EFTUD2: variants seen among roughly 807,000 people sequenced by gnomAD.
EFTUD2 encodes the protein elongation factor Tu GTP binding domain containing 2, also known as 116 kDa U5 small nuclear ribonucleoprotein component.
A neutral mutation model predicts 114.3 loss-of-function variants in EFTUD2; 9 were observed. The observed-to-expected ratio is 0.08, with a 90% CI of 0.05 to 0.14. The LOEUF (loss-of-function observed/expected upper bound fraction) is 0.14. EFTUD2 is among the 10% of genes least tolerant of loss of function. The probability of loss-of-function intolerance (pLI) is 1.00; values close to 1 mark genes in which losing one functional copy is unlikely to be tolerated. For synonymous variants in EFTUD2, 449 were observed against 462.3 expected (o/e 0.97, Z 0.37); for missense variants, 765 against 1,241.2 (o/e 0.62, Z 5.76).
chr17:44,867,922 T>G, intron 12 of EFTUD2, 25 bp from the exon 13 acceptor site: 1 of 1,557,292 alleles, frequency 6.4e-7, no homozygotes, highest in Non-Finnish European at 8.7e-7. Flanking sequence ...AAGTTCTGAG[T>G]GACCCAGGGG....
chr17:44,871,875 T>C (rs898169394), intron 11 of EFTUD2, among the ~76,000 whole-genome samples: 2 of 152,136 alleles, frequency 1.3e-5, no homozygotes, highest in African/African-American at 2.4e-5. Flanking sequence ...ACGATTCCTA[T>C]TGGAATCTGA....
rs750592591 is a variant in EFTUD2, at chr17:44,854,371, G to A, written c.2260-15C>T. ...GCCTTGTCCACCTATAGAGAAACAT[G>A]AGGCCTCCTTAGCAGTCGCCCTGGC... On this transcript the variant is annotated splice_polypyrimidine_tract_variant and intron_variant, in intron 22 of 27. Transcript: ENST00000426333. The surrounding 1 kb of genome is among the most constrained non-coding windows in gnomAD (Gnocchi z 4.3). 3.1e-6 allele frequency: 5 copies of A among 1,612,286 alleles called. No individual in the cohort carries two copies. In the South Asian group the frequency reaches 5.5e-5, roughly 18 times the overall value.
chr17:44,867,964 T>C (rs1371381442), intron 12 of EFTUD2, 67 bp from the exon 13 acceptor site: 15 of 1,428,178 alleles, frequency 1.1e-5, no homozygotes, highest in Non-Finnish European at 1.3e-5. Flanking sequence ...CAAGAGGCAT[T>C]GTCTAAGTGC....
At chr17:44,856,440 G>A (rs1291092871) in intron 20 of EFTUD2, among the ~76,000 whole-genome samples, 1 of 151,826 alleles carries the variant, frequency 6.6e-6, no homozygotes, top group East Asian at 1.9e-4. Context: ...TGAGGCACAA[G>A]AATTGCTTGA....
At chr17:44,879,444 C>T in intron 9 of EFTUD2, 112 bp downstream of exon 9, 2 of 1,068,144 alleles carry the variant, frequency 1.9e-6, no homozygotes, top group Non-Finnish European at 2.9e-6. Flanking sequence ...GCCTTAATCC[C>T]AGAGAGTTTC....
At position 44,865,072 on chromosome 17, in the gene EFTUD2, G is replaced by A. The variant is rs1425967439; in HGVS notation, c.1150-7C>T. The A allele has an allele frequency of 6.2e-7, 1 of 1,614,030 alleles. No individual in the cohort carries two copies. The highest frequency in any genetic ancestry group is 8.5e-7 in the Non-Finnish European group (1 of 1,180,028). ...TGTCCACGTCACCTACAACCTGTGA[G>A]GGTGTAAGACACCATGTCAGCTGTA... On this transcript the variant is annotated splice_polypyrimidine_tract_variant and splice_region_variant and intron_variant, in intron 13 of 27. Transcript: ENST00000426333.
At chr17:44,888,581 C>CA (rs1246401394) in intron 2 of EFTUD2, among the ~76,000 whole-genome samples, 1 of 152,106 alleles carries the variant, frequency 6.6e-6, no homozygotes, top group Non-Finnish European at 1.5e-5. Context: ...TTGGAGTAGA[C>CA]AGAGTGGGAA....
chr17:44,860,335 C>T, intron 17 of EFTUD2, 97 bp downstream of exon 17: 1 of 908,432 alleles, frequency 1.1e-6, no homozygotes, highest in Non-Finnish European at 1.8e-6. Context: ...GAAACCAGGA[C>T]ATGGCAATGA....
chr17:44,851,092 G>A lies in EFTUD2; in HGVS notation c.*182C>T. 1.7e-6 allele frequency: 1 copy of A among 577,946 alleles called. No individual in the cohort carries two copies. Among genetic ancestry groups the A allele is most frequent in the East Asian group, 2.8e-5 (1 of 35,284 alleles). The allele number at this position is 577,946 out of a possible 1,614,324, so 35.8% of individuals were successfully genotyped here. A position where few individuals can be genotyped will look rare whatever the true frequency, so the allele number is the denominator to read the frequency against. On this transcript the variant is annotated 3_prime_UTR_variant, in exon 28 of 28. Transcript: ENST00000426333. ...CGGCAGAGGCCACAGAAGGAAGCAG[G>A]AGGCCAAATGCTCCTCTCTCACTGG...
In EFTUD2 at chr17:44,860,412, G is replaced by T; in HGVS notation, c.1719+20C>A. The stretch of plus-strand genomic sequence containing the variant: ...CCATCTAGCTTAAGCCAACCCAGTT[G>T]GTCTCTTCAGAAACTCTACCTCCTC... On this transcript the variant is annotated intron_variant, in intron 17 of 27. Transcript: ENST00000426333. 1 of 1,570,214 alleles carries T rather than the reference G, an allele frequency of 6.4e-7. No homozygotes were observed. The highest frequency in any genetic ancestry group is 8.8e-7 in the Non-Finnish European group (1 of 1,140,238).
chr17:44,885,338 G>C lies in EFTUD2; in HGVS notation c.272-4C>G, dbSNP rs1340355773. On this transcript the variant is annotated splice_region_variant and splice_polypyrimidine_tract_variant and intron_variant, in intron 3 of 27. Transcript: ENST00000426333. ...TTCACTGGCTTAATAATGGGTTCTA[G>C]AAGAAAAAAAAAAGGTAGTGATGTG... 6.3e-7 allele frequency: 1 copy of C among 1,599,818 alleles called. No individual in the cohort carries two copies. The highest frequency in any genetic ancestry group is 8.5e-7 in the Non-Finnish European group (1 of 1,172,330).
chr17:44,880,307 T>C (rs1217690328), intron 8 of EFTUD2, among the ~76,000 whole-genome samples: 1 of 152,082 alleles, frequency 6.6e-6, no homozygotes, highest in East Asian at 1.9e-4. Context: ...AATGAATAAA[T>C]GAATACAATT....
In EFTUD2 at chr17:44,854,425, C is replaced by A. The variant is rs958221863; in HGVS notation, c.2260-69G>T. 6.3e-7 allele frequency: 1 copy of A among 1,584,790 alleles called. No homozygotes were observed. Among genetic ancestry groups the A allele is most frequent in the South Asian group, 1.1e-5 (1 of 88,176 alleles). On this transcript the variant is annotated intron_variant, in intron 22 of 27. Transcript: ENST00000426333. This position sits in a 1 kb window ranked among gnomAD's most constrained non-coding sequence, Gnocchi z 4.3. ...GGCTGAAGCATTTAGAGGGAGAAGA[C>A]AGATGTGCCTGTAAGGGGATACTGT...
intron 11 of EFTUD2, among the ~76,000 whole-genome samples, chr17:44,871,292 T>C (rs370997208): frequency 4.6e-5 from 7 of 151,840 alleles, no homozygotes; most frequent in African/African-American, 1.7e-4. Flanking sequence ...CCCAAAGTCC[T>C]GGGATTACAG....
intron 16 of EFTUD2, among the ~76,000 whole-genome samples, 187 bp downstream of exon 16, chr17:44,862,526 C>T (rs552996230): frequency 5.9e-5 from 9 of 152,348 alleles, no homozygotes; most frequent in African/African-American, 2.2e-4. Flanking sequence ...CAGTAGCTGC[C>T]TTTGGCCCCA....
At chr17:44,871,607 G>T (rs560177054) in intron 11 of EFTUD2, among the ~76,000 whole-genome samples, 1 of 152,274 alleles carries the variant, frequency 6.6e-6, no homozygotes, top group South Asian at 2.1e-4. Context: ...CCAGAGTGCT[G>T]GGATTACAGG....
intron 16 of EFTUD2, among the ~76,000 whole-genome samples, chr17:44,861,991 G>C (rs2050668450): frequency 6.6e-6 from 1 of 152,202 alleles, no homozygotes; most frequent in African/African-American, 2.4e-5. Context: ...CTTGGTCAAA[G>C]AGTAGACAGT....
chr17:44,853,889 C>T, intron 23 of EFTUD2: 1 of 1,382,078 alleles, frequency 7.2e-7, no homozygotes, highest in East Asian at 2.7e-5. Flanking sequence ...TTATTTCCTT[C>T]TTCTGCACAT....
chr17:44,893,179 G>C (rs892089606), intron 2 of EFTUD2, among the ~76,000 whole-genome samples: 1 of 150,912 alleles, frequency 6.6e-6, no homozygotes, highest in African/African-American at 2.4e-5. Flanking sequence ...CTGGAGTACA[G>C]TGGCACAATC....
Sources: gnomAD v4.1 joint callset for allele counts (sites outside exome capture counted in the v4.1 genomes callset) on GRCh38, gnomAD v4.1.1 for gene constraint, Gnocchi (gnomAD v3.1) non-coding constraint, MANE v1.5 for transcripts, NCBI Gene and HGNC (gene_info 2026-07-23, HGNC 2026-07-21) for gene names.